The following LHFPL3 variants were observed in gnomAD, a reference collection of about 807,000 sequenced individuals.
LHFPL3 encodes LHFPL tetraspan subfamily member 3 protein.
A neutral mutation model predicts 19.3 loss-of-function variants in LHFPL3; 5 were observed. That is an observed-to-expected ratio of 0.26 (90% confidence interval 0.14 to 0.54). LHFPL3 has a LOEUF of 0.54. LHFPL3 is among the 20% of genes least tolerant of loss of function. The pLI, the probability that LHFPL3 is intolerant of heterozygous loss-of-function variation, is 0.94. For missense variants in LHFPL3, 249 were observed against 307.4 expected, an observed-to-expected ratio of 0.81 and a Z score of 1.42; for synonymous variants, 133 against 126.2, an observed-to-expected ratio of 1.05 and a Z score of -0.36.
chr7:104,391,836 T>G (rs549538727), intron 1 of LHFPL3, among the ~76,000 whole-genome samples: 1 of 152,312 alleles, frequency 6.6e-6, no homozygotes, highest in South Asian at 2.1e-4. Context: ...GTTCTTCCAT[T>G]TGTTTGTATC....
chr7:104,733,390 A>G (rs1356126699), intron 1 of LHFPL3, among the ~76,000 whole-genome samples: 1 of 152,206 alleles, frequency 6.6e-6, no homozygotes, highest in Admixed American at 6.5e-5. Flanking sequence ...GACTTACTTT[A>G]TGAATCTGGG....
chr7:104,473,425 T>C lies in LHFPL3; in HGVS notation c.445+144201T>C, dbSNP rs563780012. ...ATGGCATGCAGGTTGCCTAACATCATAAAAGTTTTAATTTAATTATGCCTT... is the reference window on the plus strand; with the variant it reads ...ATGGCATGCAGGTTGCCTAACATCACAAAAGTTTTAATTTAATTATGCCTT... On this transcript the variant is annotated intron_variant, in intron 1 of 2. Coordinates refer to ENST00000424859, the MANE Select transcript of LHFPL3 (RefSeq NM_199000.3). 1.2e-3 allele frequency among the ~76,000 whole-genome samples: 176 copies of C among 152,370 alleles called. 1 individual carries two copies. The highest frequency in any genetic ancestry group is 0.01 in the South Asian group (49 of 4,826).
chr7:104,728,513 A>G (rs926880809), intron 1 of LHFPL3, among the ~76,000 whole-genome samples: 7 of 152,128 alleles, frequency 4.6e-5, no homozygotes, highest in Admixed American at 6.6e-5. Context: ...CAATGCCAGA[A>G]TCTTTCCACA....
At chr7:104,759,979 G>A (rs761707754) in intron 2 of LHFPL3, among the ~76,000 whole-genome samples, 2 of 152,188 alleles carry the variant, frequency 1.3e-5, no homozygotes, top group African/African-American at 4.8e-5. Flanking sequence ...TATTATCGTC[G>A]CTCCTCAGAT....
intron 2 of LHFPL3, among the ~76,000 whole-genome samples, chr7:104,899,022 G>C (rs1221323249): frequency 1.3e-5 from 2 of 152,106 alleles, no homozygotes; most frequent in Non-Finnish European, 2.9e-5. Context: ...AAGATCGCTT[G>C]AGCCCAGAAA....
rs79325379 is a variant in LHFPL3 at position 104,478,745 on chromosome 7, A to G, written c.445+149521A>G. 4.1e-3 allele frequency among the ~76,000 whole-genome samples: 627 copies of G among 152,312 alleles called. 23 individuals are homozygous for G. In the East Asian group the frequency reaches 0.1, roughly 24 times the overall value. On this transcript the variant is annotated intron_variant, in intron 1 of 2. Coordinates refer to ENST00000424859, the MANE Select transcript of LHFPL3 (RefSeq NM_199000.3). Reference sequence around the variant, plus strand: ...TAATCAAAGAGCCTTGCCAAGTTTCAGGCACTTGTTGGTATGTTGCTGCAG... The same window carrying G: ...TAATCAAAGAGCCTTGCCAAGTTTCGGGCACTTGTTGGTATGTTGCTGCAG...
intron 1 of LHFPL3, among the ~76,000 whole-genome samples, chr7:104,696,445 G>GGTGTGTGT (rs5886329): frequency 2.7e-5 from 4 of 150,066 alleles, no homozygotes; most frequent in African/African-American, 9.8e-5. Context: ...AGTGTTACTA[G>GGTGTGTGT]GTGTGTGTGT....
intron 2 of LHFPL3, among the ~76,000 whole-genome samples, chr7:104,767,266 A>G (rs1296425568): frequency 6.6e-6 from 1 of 152,230 alleles, no homozygotes; most frequent in Non-Finnish European, 1.5e-5. Flanking sequence ...GAGCTGAGAG[A>G]GGCCATTTGG....
chr7:104,833,417 A>T (rs372721915), intron 2 of LHFPL3, among the ~76,000 whole-genome samples: 1,162 of 2,402 alleles, frequency 0.48, 419 homozygotes, highest in Non-Finnish European at 0.78. Context: ...TATATATATA[A>T]TATATATATA....
intron 2 of LHFPL3, among the ~76,000 whole-genome samples, chr7:104,904,302 T>C (rs1792553004): frequency 6.6e-6 from 1 of 152,144 alleles, no homozygotes; most frequent in Admixed American, 6.5e-5. Flanking sequence ...TCCAGAGGAT[T>C]TTCTAGCACA....
intron 1 of LHFPL3, among the ~76,000 whole-genome samples, chr7:104,580,723 A>T (rs1790444441): frequency 6.6e-6 from 1 of 152,054 alleles, no homozygotes; most frequent in Admixed American, 6.6e-5. Flanking sequence ...CCCTACCCTC[A>T]GCAACTTGTC....
chr7:104,524,304 C>G (rs181607150), intron 1 of LHFPL3, among the ~76,000 whole-genome samples: 7 of 151,988 alleles, frequency 4.6e-5, no homozygotes, highest in Non-Finnish European at 7.4e-5. Flanking sequence ...GTCAAACTCT[C>G]GGGAAGACAG....
intron 1 of LHFPL3, among the ~76,000 whole-genome samples, chr7:104,648,045 G>A (rs1791962987): frequency 6.6e-6 from 1 of 152,198 alleles, no homozygotes; most frequent in Admixed American, 6.5e-5. Context: ...TGCCCCTAAT[G>A]AGATAACTGG....
In LHFPL3 at chr7:104,614,589, C is replaced by CTCTTCTCT. The variant is rs1554415246; in HGVS notation, c.446-122083_446-122082insTCTCTTCT. 4.7e-3 allele frequency among the ~76,000 whole-genome samples: 300 copies of CTCTTCTCT among 63,884 alleles called. 51 individuals are homozygous for CTCTTCTCT. The highest frequency in any genetic ancestry group is 0.015 in the Middle Eastern group (2 of 130). The allele number at this position is 63,884 out of a possible 152,430, so 41.9% of individuals were successfully genotyped here. On this transcript the variant is annotated intron_variant, in intron 1 of 2. Coordinates refer to ENST00000424859, the MANE Select transcript of LHFPL3 (RefSeq NM_199000.3). The stretch of plus-strand genomic sequence containing the variant: ...TCCAAAGAGCCTCCTCTTCTCTTCT[C>CTCTTCTCT]TCTCTTCTCTTCTCTTCTCTTCTCT...
chr7:104,820,366 G>C (rs1287662905), intron 2 of LHFPL3, among the ~76,000 whole-genome samples: 1 of 152,172 alleles, frequency 6.6e-6, no homozygotes, highest in Non-Finnish European at 1.5e-5. Context: ...GTTCTGATTA[G>C]GAAAAGGAAG....
intron 2 of LHFPL3, among the ~76,000 whole-genome samples, chr7:104,749,513 G>A (rs367826751): frequency 8.3e-4 from 126 of 152,364 alleles, no homozygotes; most frequent in African/African-American, 2.8e-3. Context: ...ATCCTGCTCC[G>A]CCAGAGGGAT....
intron 1 of LHFPL3, among the ~76,000 whole-genome samples, chr7:104,516,568 G>A (rs58160095): frequency 1.2e-3 from 188 of 151,854 alleles, no homozygotes; most frequent in African/African-American, 4.3e-3. Context: ...TGATCATTAG[G>A]GAAATGTGAA....
chr7:104,462,141 A>C (rs1021179887), intron 1 of LHFPL3, among the ~76,000 whole-genome samples: 1 of 152,202 alleles, frequency 6.6e-6, no homozygotes, highest in African/African-American at 2.4e-5. Context: ...AGAGCTTTTA[A>C]GCCAAGACTA....
intron 1 of LHFPL3, among the ~76,000 whole-genome samples, chr7:104,534,995 A>G (rs151116460): frequency 5.4e-4 from 82 of 152,310 alleles, no homozygotes; most frequent in African/African-American, 1.7e-3. Context: ...GGCATAAAAT[A>G]TGGGGAGAGG....
Sources: gnomAD v4.1 joint callset for allele counts (sites outside exome capture counted in the v4.1 genomes callset) on GRCh38, gnomAD v4.1.1 for gene constraint, MANE v1.5 for transcripts, NCBI Gene and HGNC (gene_info 2026-07-23, HGNC 2026-07-21) for gene names.